IFT57: variants seen among roughly 807,000 people sequenced by gnomAD.
The protein encoded by IFT57 is intraflagellar transport 57, also known as intraflagellar transport protein 57 homolog.
A neutral mutation model predicts 56.8 loss-of-function variants in IFT57; 59 were observed. The ratio of observed to expected loss-of-function variants is 1.04; its 90% CI spans 0.84 to 1.29. The LOEUF (loss-of-function observed/expected upper bound fraction) is 1.29, where lower values mean the gene tolerates loss of function less well. IFT57 is among the 50% of genes most tolerant of loss of function. The probability of loss-of-function intolerance (pLI) is 0.00; values close to 1 mark genes in which losing one functional copy is unlikely to be tolerated. For missense variants in IFT57, 470 were observed against 522.1 expected (o/e 0.90, Z 0.97); for synonymous variants, 209 against 186.1 (o/e 1.12, Z -1.00).
chr3:108,175,389 T>A (rs576474822), intron 6 of IFT57, among the ~76,000 whole-genome samples: 85 of 151,918 alleles, frequency 5.6e-4, no homozygotes, highest in African/African-American at 2.0e-3. Flanking sequence ...AGCAAAGGTA[T>A]CATTGTAACC....
intron 5 of IFT57, among the ~76,000 whole-genome samples, chr3:108,201,973 T>C (rs560270437): frequency 9.2e-5 from 14 of 152,348 alleles, no homozygotes; most frequent in African/African-American, 2.6e-4. Context: ...AATTTCTTGC[T>C]AAGTAATTAA....
intron 9 of IFT57, among the ~76,000 whole-genome samples, chr3:108,164,386 ATCTT>A (rs1186486491): frequency 6.6e-6 from 1 of 152,090 alleles, no homozygotes; most frequent in Non-Finnish European, 1.5e-5. Flanking sequence ...AGAAAATACT[ATCTT>A]TAAGAAATTG....
Position 108,167,197 on chromosome 3 carries a change from G to C in IFT57, c.850-212C>G, listed in dbSNP as rs201487827. The C allele has an allele frequency of 4.7e-5, 23 of 485,296 alleles. No individual in the cohort carries two copies. The East Asian group carries it at 6.7e-4, about 14-fold the overall frequency. The allele number at this position is 485,296 out of a possible 1,614,324, so 30.1% of individuals were successfully genotyped here. On this transcript the variant is annotated intron_variant, in intron 7 of 10. Coordinates refer to ENST00000264538, the MANE Select transcript of IFT57 (RefSeq NM_018010.4). ...TTTTAGAATAAAAATGCACCTGGCA[G>C]TGTTAGTCAATTCATTTGTCATTAT...
In IFT57 at chr3:108,206,686, G is replaced by A; in HGVS notation, c.596C>T (p.Thr199Ile). 1 of 1,280,086 alleles carries A rather than the reference G, an allele frequency of 7.8e-7. No individual in the cohort carries two copies. Among genetic ancestry groups the A allele is most frequent in the Non-Finnish European group, 1.0e-6 (1 of 956,078 alleles). 79.3% of individuals were successfully genotyped at this position (1,280,086 alleles called of 1,614,324 possible). A position where few individuals can be genotyped will look rare whatever the true frequency, so the allele number is the denominator to read the frequency against. The change falls in exon 5 of 11, where the codon ACA becomes ATA. Residue 199 changes from threonine (T) to isoleucine (I), a missense_variant. By Grantham distance (89) the Thr-to-Ile change is moderately conservative (BLOSUM62 -1). Transcript: ENST00000264538. ...ATCAATAAAGTTTTCTTCATTATCT[G>A]TCTCTTCTTCCTTAGAAAATAAATT... ...KVDEEFVEEE[T>I]DNEENFIDLN...
chr3:108,170,060 C>A (rs2080084738), intron 6 of IFT57, among the ~76,000 whole-genome samples: 1 of 151,958 alleles, frequency 6.6e-6, no homozygotes, highest in Non-Finnish European at 1.5e-5. Context: ...TGGGCAAAAG[C>A]TGGAAGCATT....
intron 5 of IFT57, among the ~76,000 whole-genome samples, chr3:108,202,822 C>T (rs188237166): frequency 1.0e-3 from 155 of 152,246 alleles, no homozygotes; most frequent in African/African-American, 3.5e-3. Flanking sequence ...GCAACTCATT[C>T]CAAAACAAAC....
At chr3:108,176,343 G>A (rs545002021) in intron 6 of IFT57, among the ~76,000 whole-genome samples, 3 of 151,770 alleles carry the variant, frequency 2.0e-5, no homozygotes, top group South Asian at 2.1e-4. Flanking sequence ...TTCACAGATC[G>A]GGTAACAAAT....
chr3:108,202,841 T>C (rs1443356502), intron 5 of IFT57, among the ~76,000 whole-genome samples: 1 of 152,192 alleles, frequency 6.6e-6, no homozygotes, highest in Non-Finnish European at 1.5e-5. Context: ...ACCAATGTCA[T>C]TGTTATAAGC....
intron 3 of IFT57, among the ~76,000 whole-genome samples, chr3:108,217,753 G>A (rs1156870551): frequency 4.1e-5 from 6 of 148,134 alleles, no homozygotes; most frequent in Non-Finnish European, 5.9e-5. Flanking sequence ...CTGCTTACTC[G>A]CATTTTACCT....
At chr3:108,187,509 GA>G (rs1226154006) in intron 6 of IFT57, among the ~76,000 whole-genome samples, 1 of 151,838 alleles carries the variant, frequency 6.6e-6, no homozygotes, top group Non-Finnish European at 1.5e-5. Context: ...ATGTGTGAGA[GA>G]AGACTGCTCT....
At chr3:108,188,982 G>C (rs1259379692) in intron 6 of IFT57, among the ~76,000 whole-genome samples, 3 of 152,140 alleles carry the variant, frequency 2.0e-5, no homozygotes, top group African/African-American at 7.2e-5. Context: ...GTACTTGAGA[G>C]TTTCCAACTA....
chr3:108,185,294 T>C lies in IFT57; in HGVS notation c.777+6227A>G, dbSNP rs536670539. Among the ~76,000 whole-genome samples the C allele has an allele frequency of 6.6e-5, 10 of 152,220 alleles. No individual in the cohort carries two copies. The South Asian group carries it at 2.1e-3, about 32-fold the overall frequency. On this transcript the variant is annotated intron_variant, in intron 6 of 10. Coordinates refer to ENST00000264538, the MANE Select transcript of IFT57 (RefSeq NM_018010.4). ...AAAAGGAGGGTGAAGGATCTAAAGC[T>C]GGAGAATCTGATGCCAGCAAAGGAT...
intron 6 of IFT57, among the ~76,000 whole-genome samples, chr3:108,186,307 G>A (rs185950132): frequency 2.0e-3 from 255 of 128,582 alleles, no homozygotes; most frequent in South Asian, 4.2e-3. Flanking sequence ...TCATGATAGA[G>A]ACTGTGGCTA....
chr3:108,172,415 G>A (rs1313002503), intron 6 of IFT57, among the ~76,000 whole-genome samples: 1 of 151,840 alleles, frequency 6.6e-6, no homozygotes, highest in Non-Finnish European at 1.5e-5. Context: ...AAAGAGTATA[G>A]ATTTTATTAT....
At chr3:108,204,440 T>C (rs563833152) in intron 5 of IFT57, among the ~76,000 whole-genome samples, 160 of 152,336 alleles carry the variant, frequency 1.1e-3, no homozygotes, top group African/African-American at 3.4e-3. Context: ...AAGGAATTGG[T>C]GTACTGGCAG....
At chr3:108,171,049 C>A (rs192003925) in intron 6 of IFT57, among the ~76,000 whole-genome samples, 390 of 151,986 alleles carry the variant, frequency 2.6e-3, no homozygotes, top group Non-Finnish European at 3.2e-3. Flanking sequence ...CCTGATGCTC[C>A]ACTTTGCTAA....
At position 108,219,496 on chromosome 3, in the gene IFT57, T is replaced by C. The variant is rs1294897955; in HGVS notation, c.289A>G (p.Lys97Glu). 1.2e-6 allele frequency: 2 copies of C among 1,613,612 alleles called. No individual in the cohort carries two copies. The highest frequency in any genetic ancestry group is 1.1e-5 in the South Asian group (1 of 91,080). Reference sequence around the variant, plus strand: ...GGCTGCTCAAAGGGACGTCCCGCTTTATTAATCAACCAAGCAGCAAGAGTA... The same window carrying C: ...GGCTGCTCAAAGGGACGTCCCGCTTCATTAATCAACCAAGCAGCAAGAGTA... ...FCTLAAWLIN[K>E]AGRPFEQPQE... Residue 97 changes from lysine (K) to glutamate (E), a missense_variant, in exon 2 of 11, where the codon AAA (lysine) becomes GAA (glutamate). Transcript: ENST00000264538.
Position 108,222,107 on chromosome 3 carries a change from C to A in IFT57, c.212+4G>T, listed in dbSNP as rs558067357. The A allele has an allele frequency of 1.3e-6, 2 of 1,593,848 alleles. No individual in the cohort carries two copies. Among genetic ancestry groups the A allele is most frequent in the African/African-American group, 1.3e-5 (1 of 74,264 alleles). ...CCCGGGCGCTCGGGGACGCCGGCAC[C>A]CACCTGGACGGGGCCTTCAGGTTGC... On this transcript the variant is annotated splice_donor_region_variant and intron_variant, in intron 1 of 10. Transcript: ENST00000264538.
chr3:108,197,660 T>C (rs1311776849), intron 5 of IFT57, among the ~76,000 whole-genome samples: 1 of 152,188 alleles, frequency 6.6e-6, no homozygotes, highest in Non-Finnish European at 1.5e-5. Context: ...ATATACCTAC[T>C]GAGAGGGTGT....
Sources: allele counts gnomAD v4.1 joint callset (sites outside exome capture counted in the v4.1 genomes callset), GRCh38; gene constraint gnomAD v4.1.1; transcripts MANE v1.5; gene names NCBI Gene and HGNC (gene_info 2026-07-23, HGNC 2026-07-21).